CNTNAP2: variants seen among roughly 807,000 people sequenced by gnomAD.
CNTNAP2 encodes contactin associated protein 2, also known as contactin-associated protein-like 2.
Under a neutral mutation model 155.2 loss-of-function variants are expected in CNTNAP2, and 98 were observed. The observed-to-expected ratio is 0.63, with a 90% confidence interval of 0.54 to 0.75. The LOEUF is 0.75. Among genes scored for constraint, CNTNAP2 ranks in the 30% least tolerant of loss-of-function variants. The pLI, the probability that CNTNAP2 is intolerant of heterozygous loss-of-function variation, is 0.00. For missense variants in CNTNAP2, 1,727 were observed against 1,688.1 expected, an observed-to-expected ratio of 1.02 and a Z score of -0.40; for synonymous variants, 651 against 631.2, an observed-to-expected ratio of 1.03 and a Z score of -0.47.
In CNTNAP2 at chr7:147,267,645, C is replaced by T. The variant is rs144638744; in HGVS notation, c.1349-32496C>T. 3.1e-3 allele frequency among the ~76,000 whole-genome samples: 461 copies of T among 150,982 alleles called. 2 individuals carry two copies. The highest frequency in any genetic ancestry group is 0.01 in the African/African-American group (426 of 41,182). The stretch of plus-strand genomic sequence containing the variant: ...GGCAGGAATAAGATCAGTTTGCATC[C>T]CATCAGACCCCTAGCACTGTTAGCA... On this transcript the variant is annotated intron_variant, in intron 8 of 23. Coordinates refer to ENST00000361727, the MANE Select transcript of CNTNAP2 (RefSeq NM_014141.6).
intron 3 of CNTNAP2, among the ~76,000 whole-genome samples, chr7:146,947,406 CTCTCTATA>C (rs1207804650): frequency 5.9e-4 from 78 of 131,970 alleles, no homozygotes; most frequent in African/African-American, 2.1e-3. Context: ...CTCTCTCTCT[CTCTCTATA>C]TATATATATA....
chr7:146,580,641 C>T (rs1409866688), intron 1 of CNTNAP2, among the ~76,000 whole-genome samples: 1 of 151,972 alleles, frequency 6.6e-6, no homozygotes, highest in Non-Finnish European at 1.5e-5. Flanking sequence ...GTGTATGTTT[C>T]GTCTTAATAT....
chr7:148,326,662 C>A (rs559068091), intron 21 of CNTNAP2, among the ~76,000 whole-genome samples: 1 of 151,850 alleles, frequency 6.6e-6, no homozygotes, highest in Non-Finnish European at 1.5e-5. Context: ...GTCAGGAGAT[C>A]GAGACCATCT....
intron 13 of CNTNAP2, among the ~76,000 whole-genome samples, chr7:147,666,084 A>G (rs1455496671): frequency 6.6e-6 from 1 of 152,198 alleles, no homozygotes; most frequent in Non-Finnish European, 1.5e-5. Context: ...AATTTATTTT[A>G]GCTGTAGGAC....
chr7:146,743,627 C>T (rs1008340452), intron 1 of CNTNAP2, among the ~76,000 whole-genome samples: 1 of 151,718 alleles, frequency 6.6e-6, no homozygotes, highest in African/African-American at 2.4e-5. Context: ...TAACCATGCA[C>T]AGTACAAGTG....
intron 23 of CNTNAP2, among the ~76,000 whole-genome samples, chr7:148,410,399 A>G (rs1799807391): frequency 6.6e-6 from 1 of 151,888 alleles, no homozygotes; most frequent in Non-Finnish European, 1.5e-5. Context: ...GTGAAACCCC[A>G]TCTCTAAAAA....
At chr7:146,834,557 G>A (rs116163289) in intron 2 of CNTNAP2, among the ~76,000 whole-genome samples, 1 of 152,048 alleles carries the variant, frequency 6.6e-6, no homozygotes. Context: ...AGAGAGAGAA[G>A]GGGAATGAAG....
chr7:146,277,937 T>C lies in CNTNAP2; in HGVS notation c.97+160964T>C, dbSNP rs961845618. Among the ~76,000 whole-genome samples the C allele has an allele frequency of 5.3e-5, 8 of 151,842 alleles. No individual in the cohort carries two copies. The South Asian group carries it at 1.7e-3, about 32-fold the overall frequency. Reference sequence around the variant, plus strand: ...AAAGAAAAATTTTCAAAAAAGAAAATAAAAAGAAAACTGAAAGCAGAGATG... The same window carrying C: ...AAAGAAAAATTTTCAAAAAAGAAAACAAAAAGAAAACTGAAAGCAGAGATG... On this transcript the variant is annotated intron_variant, in intron 1 of 23. Transcript: ENST00000361727.
rs1188395687 is a variant in CNTNAP2, at chr7:148,376,972, C to CT, written c.3476-6670dup. 2.9e-5 allele frequency among the ~76,000 whole-genome samples: 2 copies of CT among 67,862 alleles called. 1 individual carries two copies. Among genetic ancestry groups the CT allele is most frequent in the African/African-American group, 7.2e-5 (2 of 27,764 alleles). 44.5% of individuals were successfully genotyped at this position (67,862 alleles called of 152,430 possible). On this transcript the variant is annotated intron_variant, in intron 21 of 23. Transcript: ENST00000361727. ...ATGAGGCTTATCGGATTTTATGTTG[C>CT]TTTTTTTAGATGAATGCTCTTGGCT... is the stretch of plus-strand genomic sequence containing the variant.
At chr7:146,536,477 T>C (rs1480931224) in intron 1 of CNTNAP2, among the ~76,000 whole-genome samples, 1 of 151,930 alleles carries the variant, frequency 6.6e-6, no homozygotes, top group Non-Finnish European at 1.5e-5. Context: ...TAATGATGCA[T>C]TGGGGGAGGG....
At chr7:148,123,633 C>CAGGAAGGAAGGA (rs35150868) in intron 16 of CNTNAP2, among the ~76,000 whole-genome samples, 1,359 of 118,382 alleles carry the variant, frequency 0.011, 19 homozygotes, top group African/African-American at 0.028. Context: ...GAAGGGAGAG[C>CAGGAAGGAAGGA]AGGAAGGAAG....
chr7:147,311,668 T>C lies in CNTNAP2; in HGVS notation c.1498+11378T>C, dbSNP rs75555336. Among the ~76,000 whole-genome samples the C allele has an allele frequency of 7.0e-3, 1,056 of 151,528 alleles. 18 individuals are homozygous for C. Among genetic ancestry groups the C allele is most frequent in the African/African-American group, 0.024 (996 of 41,136 alleles). The stretch of plus-strand genomic sequence containing the variant: ...ACATAAAGGTAGTTACAGGAAGTTA[T>C]TTTAAAGCACTTCTTGACAAACCAG... On this transcript the variant is annotated intron_variant, in intron 9 of 23. Coordinates refer to ENST00000361727, the MANE Select transcript of CNTNAP2 (RefSeq NM_014141.6).
At chr7:147,486,184 TCCA>T in intron 11 of CNTNAP2, 143 bp downstream of exon 11, 1 of 543,022 alleles carries the variant, frequency 1.8e-6, no homozygotes, top group Non-Finnish European at 3.0e-6. Flanking sequence ...TTGTCATTTC[TCCA>T]AAAAAAAAAA....
At chr7:147,971,584 A>G in intron 14 of CNTNAP2, among the ~76,000 whole-genome samples, 1 of 152,140 alleles carries the variant, frequency 6.6e-6, no homozygotes, top group Admixed American at 6.6e-5. Context: ...TTCACTTAGC[A>G]TAAGGTTTTT....
chr7:147,277,251 A>T, intron 8 of CNTNAP2, among the ~76,000 whole-genome samples: 1 of 151,970 alleles, frequency 6.6e-6, no homozygotes, highest in East Asian at 1.9e-4. Context: ...AACATTTAAG[A>T]CTGTCTCAAA....
At chr7:147,461,018 G>T (rs1215189730) in intron 10 of CNTNAP2, among the ~76,000 whole-genome samples, 3 of 152,190 alleles carry the variant, frequency 2.0e-5, no homozygotes, top group Non-Finnish European at 4.4e-5. Context: ...CCTCAATCAT[G>T]ACAAACCAGA....
chr7:146,363,375 T>A (rs1251836167), intron 1 of CNTNAP2, among the ~76,000 whole-genome samples: 1 of 152,182 alleles, frequency 6.6e-6, no homozygotes, highest in Non-Finnish European at 1.5e-5. Flanking sequence ...ATTTAACTGT[T>A]AAAGGTTGTG....
At chr7:147,230,249 AATTT>A (rs950962706) in intron 8 of CNTNAP2, among the ~76,000 whole-genome samples, 1 of 150,866 alleles carries the variant, frequency 6.6e-6, no homozygotes, top group African/African-American at 2.4e-5. Flanking sequence ...TTATTTTTTG[AATTT>A]ATTTATTTAT....
chr7:146,258,890 A>G (rs1584832221), intron 1 of CNTNAP2, among the ~76,000 whole-genome samples: 1 of 152,182 alleles, frequency 6.6e-6, no homozygotes, highest in South Asian at 2.1e-4. Context: ...TTTCTTAATT[A>G]TGTTATCATA....
Sources: allele counts gnomAD v4.1 joint callset (sites outside exome capture counted in the v4.1 genomes callset), GRCh38; gene constraint gnomAD v4.1.1; transcripts MANE v1.5; gene names NCBI Gene and HGNC (gene_info 2026-07-23, HGNC 2026-07-21).